The following ME1 variants were observed in gnomAD, a reference collection of about 807,000 sequenced individuals.
ME1 encodes the protein NADP-dependent malic enzyme.
ME1 carries 74 observed loss-of-function variants against 66.4 expected under a neutral mutation model. The ratio of observed to expected loss-of-function variants is 1.11; its 90% CI spans 0.92 to 1.35. The LOEUF (loss-of-function observed/expected upper bound fraction) is 1.35, where lower values mean the gene tolerates loss of function less well. Among genes scored for constraint, ME1 ranks in the 40% most tolerant of loss-of-function variants. The pLI is 0.00. For missense variants in ME1, 750 were observed against 694.1 expected, an observed-to-expected ratio of 1.08 and a Z score of -0.90; for synonymous variants, 251 against 235.6, an observed-to-expected ratio of 1.07 and a Z score of -0.60.
rs1768009275 is a variant in ME1 at position 83,315,293 on chromosome 6, T to A, written c.704+17A>T. The A allele has an allele frequency of 6.8e-7, 1 of 1,476,762 alleles. No homozygotes were observed. Among genetic ancestry groups the A allele is most frequent in the Admixed American group, 1.8e-5 (1 of 56,688 alleles). 91.5% of individuals were successfully genotyped at this position (1,476,762 alleles called of 1,614,324 possible). ...TATTGTTACTGACTAAAATATAGGT[T>A]AAATAAAGATACATACTTGGAAGAA... On this transcript the variant is annotated intron_variant, in intron 6 of 13. Transcript: ENST00000369705.
Position 83,431,031 on chromosome 6 carries a change from G to T in ME1, c.-77C>A. The T allele has an allele frequency of 2.1e-6, 2 of 945,622 alleles. No homozygotes were observed. The highest frequency in any genetic ancestry group is 1.5e-6 in the Non-Finnish European group (1 of 677,964). The allele number at this position is 945,622 out of a possible 1,614,324, so 58.6% of individuals were successfully genotyped here. A position where few individuals can be genotyped will look rare whatever the true frequency, so the allele number is the denominator to read the frequency against. ...GGTGCAGGCGGCGGATGCTGCTGGG[G>T]TGACGGTGCTGACTGCAGCTGTGGC... On this transcript the variant is annotated 5_prime_UTR_variant, in exon 1 of 14. Transcript: ENST00000369705.
chr6:83,311,500 G>A (rs960472522), intron 6 of ME1, among the ~76,000 whole-genome samples: 3 of 152,158 alleles, frequency 2.0e-5, no homozygotes, highest in Admixed American at 1.3e-4. Context: ...GCAAATGACA[G>A]AAGAGGGGAT....
At chr6:83,384,930 GT>G (rs1033270897) in intron 3 of ME1, among the ~76,000 whole-genome samples, 7 of 151,874 alleles carry the variant, frequency 4.6e-5, no homozygotes, top group African/African-American at 1.7e-4. Context: ...AGATGACCTG[GT>G]TGTGGGTATG....
At chr6:83,371,104 T>A (rs1769186275) in intron 3 of ME1, among the ~76,000 whole-genome samples, 1 of 152,198 alleles carries the variant, frequency 6.6e-6, no homozygotes, top group Non-Finnish European at 1.5e-5. Context: ...CAACTTTCAT[T>A]AATCATATTG....
intron 12 of ME1, among the ~76,000 whole-genome samples, chr6:83,223,213 G>A (rs1790125413): frequency 1.3e-5 from 2 of 152,206 alleles, no homozygotes; most frequent in Admixed American, 6.5e-5. Context: ...CAGTGCAGTA[G>A]TGCAATCGCA....
At chr6:83,328,996 A>C (rs1375336860) in intron 5 of ME1, among the ~76,000 whole-genome samples, 1 of 152,204 alleles carries the variant, frequency 6.6e-6, no homozygotes, top group Admixed American at 6.5e-5. Context: ...TGCACCCTTC[A>C]GAATTTATAA....
chr6:83,393,854 C>A (rs892453335), intron 3 of ME1, among the ~76,000 whole-genome samples: 16 of 151,966 alleles, frequency 1.1e-4, no homozygotes, highest in Admixed American at 5.2e-4. Context: ...GACAGTAAGG[C>A]AAGAAATAGT....
chr6:83,349,108 T>G (rs972741485), intron 4 of ME1, among the ~76,000 whole-genome samples: 5 of 151,526 alleles, frequency 3.3e-5, no homozygotes, highest in African/African-American at 1.2e-4. Context: ...TACATATACA[T>G]GAACATTTAG....
At chr6:83,312,316 GT>G (rs1480439886) in intron 6 of ME1, among the ~76,000 whole-genome samples, 1 of 152,184 alleles carries the variant, frequency 6.6e-6, no homozygotes, top group Non-Finnish European at 1.5e-5. Flanking sequence ...CCCCAGCCAA[GT>G]TCTGGCTCAT....
intron 2 of ME1, among the ~76,000 whole-genome samples, chr6:83,399,575 G>A (rs1007982290): frequency 6.6e-6 from 1 of 152,152 alleles, no homozygotes; most frequent in East Asian, 1.9e-4. Context: ...ACTAAGGTAG[G>A]GAAGTTCAAG....
intron 5 of ME1, among the ~76,000 whole-genome samples, chr6:83,330,565 GTT>G (rs1768385373): frequency 2.0e-5 from 3 of 152,140 alleles, no homozygotes; most frequent in Admixed American, 1.3e-4. Flanking sequence ...GTATTATTAA[GTT>G]ATTTCGAACT....
chr6:83,270,406 T>TAA (rs3839446), intron 6 of ME1, among the ~76,000 whole-genome samples: 3 of 150,046 alleles, frequency 2.0e-5, no homozygotes, highest in Admixed American at 1.3e-4. Context: ...TTCTCAAAAA[T>TAA]AAAAAAAAAA....
intron 6 of ME1, among the ~76,000 whole-genome samples, chr6:83,282,523 T>C (rs568514654): frequency 6.6e-6 from 1 of 152,296 alleles, no homozygotes; most frequent in African/African-American, 2.4e-5. Flanking sequence ...TCATCATCAC[T>C]GGTCATTAGA....
chr6:83,331,880 G>T (rs1145896), intron 5 of ME1, among the ~76,000 whole-genome samples: 72,057 of 151,856 alleles, frequency 0.47, 19,203 homozygotes, highest in African/African-American at 0.72. Context: ...CAAACAAGCA[G>T]GAAGGGAACA....
rs559212921 is a variant in ME1, at chr6:83,319,902, C to T, written c.601-4489G>A. 1.8e-4 allele frequency among the ~76,000 whole-genome samples: 28 copies of T among 152,222 alleles called. No individual in the cohort carries two copies. The South Asian group carries it at 4.4e-3, about 24-fold the overall frequency. On this transcript the variant is annotated intron_variant, in intron 5 of 13. Coordinates refer to ENST00000369705, the MANE Select transcript of ME1 (RefSeq NM_002395.6). ...GGTGGTTATTCTGTCCCTGCCTCAC[C>T]GTTGTATGTTTGATATGTGGGAACA...
At chr6:83,412,673 A>T (rs199602068) in intron 1 of ME1, among the ~76,000 whole-genome samples, 3 of 62,156 alleles carry the variant, frequency 4.8e-5, no homozygotes, top group African/African-American at 2.4e-4. Context: ...GTAAAAAAAC[A>T]AAACTATTGA....
chr6:83,242,941 A>G (rs1445528867), intron 7 of ME1, among the ~76,000 whole-genome samples: 1 of 152,092 alleles, frequency 6.6e-6, no homozygotes, highest in Non-Finnish European at 1.5e-5. Flanking sequence ...GGAGAGGGTG[A>G]AAACAGGAAG....
chr6:83,341,452 T>C (rs1393981322), intron 5 of ME1, among the ~76,000 whole-genome samples: 1 of 134,860 alleles, frequency 7.4e-6, no homozygotes, highest in African/African-American at 2.7e-5. Context: ...ATGTCAGAAA[T>C]GAGGGCAGTC....
intron 4 of ME1, among the ~76,000 whole-genome samples, chr6:83,351,551 AATTATT>A (rs1164433681): frequency 6.6e-6 from 1 of 152,210 alleles, no homozygotes; most frequent in South Asian, 2.1e-4. Context: ...TTCCTCAATC[AATTATT>A]ATTATTATAA....
Sources: gnomAD v4.1 joint callset for allele counts (sites outside exome capture counted in the v4.1 genomes callset) on GRCh38, gnomAD v4.1.1 for gene constraint, MANE v1.5 for transcripts, NCBI Gene and HGNC (gene_info 2026-07-23, HGNC 2026-07-21) for gene names.